ROPN1L: variants seen among roughly 807,000 people sequenced by gnomAD.
ROPN1L encodes rhophilin associated tail protein 1 like.
ROPN1L carries 23 observed loss-of-function variants against 22.7 expected under a neutral mutation model. The observed-to-expected ratio is 1.01, with a 90% confidence interval of 0.73 to 1.43. ROPN1L has a LOEUF of 1.43. Among genes scored for constraint, ROPN1L ranks in the 40% most tolerant of loss-of-function variants. The pLI is 0.00. For synonymous variants in ROPN1L, 116 were observed against 117.8 expected (o/e 0.98, Z 0.10); for missense variants, 271 against 291.5 (o/e 0.93, Z 0.51).
chr5:10,463,889 G>A (rs774713029), intron 4 of ROPN1L, among the ~76,000 whole-genome samples: 4 of 152,142 alleles, frequency 2.6e-5, no homozygotes, highest in Non-Finnish European at 5.9e-5. Context: ...ACCCCTGCTC[G>A]CCTCAGCCTC....
chr5:10,443,174 G>C (rs561609602), intron 1 of ROPN1L, among the ~76,000 whole-genome samples: 1 of 151,096 alleles, frequency 6.6e-6, no homozygotes, highest in African/African-American at 2.4e-5. Flanking sequence ...GGGTAACACA[G>C]CAAGACCCCA....
chr5:10,469,764 G>T (rs372733619), downstream of ROPN1L, among the ~76,000 whole-genome samples: 1 of 152,214 alleles, frequency 6.6e-6, no homozygotes, highest in Admixed American at 6.5e-5. Flanking sequence ...TCTAAAGAAA[G>T]TGGAGTATAT....
chr5:10,469,793 A>C (rs913649611), downstream of ROPN1L, among the ~76,000 whole-genome samples: 2 of 152,134 alleles, frequency 1.3e-5, no homozygotes, highest in African/African-American at 4.8e-5. Context: ...TTGGTTTATG[A>C]GGTATAGGAA....
Position 10,442,134 on chromosome 5 carries a change from C to G in ROPN1L, c.-34C>G, listed in dbSNP as rs753163537. 6.3e-7 allele frequency: 1 copy of G among 1,587,432 alleles called. No individual in the cohort carries two copies. The highest frequency in any genetic ancestry group is 8.6e-7 in the Non-Finnish European group (1 of 1,159,890). ...CGCCCTTCTTCCTCGCAGCGCGCCG[C>G]GATTCACCAGCCTGGTCCCTTCTGC... On this transcript the variant is annotated 5_prime_UTR_variant, in exon 1 of 5. Coordinates refer to ENST00000274134, the MANE Select transcript of ROPN1L (RefSeq NM_031916.5).
rs991616981 is a variant in ROPN1L at position 10,464,632 on chromosome 5, C to T, written c.594-216C>T. 4.6e-5 allele frequency among the ~76,000 whole-genome samples: 7 copies of T among 152,368 alleles called. No individual in the cohort carries two copies. The South Asian group carries it at 1.4e-3, about 32-fold the overall frequency. Reference sequence around the variant, plus strand: ...AAAAACCTATGCATATAGCACCCATCTTTTCACCTAGAAATAAAGCTACAT... The same window carrying T: ...AAAAACCTATGCATATAGCACCCATTTTTTCACCTAGAAATAAAGCTACAT... On this transcript the variant is annotated intron_variant, in intron 4 of 4. Coordinates refer to ENST00000274134, the MANE Select transcript of ROPN1L (RefSeq NM_031916.5).
intron 3 of ROPN1L, among the ~76,000 whole-genome samples, chr5:10,455,782 T>C (rs200612046): frequency 2.4e-3 from 332 of 137,498 alleles, no homozygotes; most frequent in East Asian, 6.8e-3. Flanking sequence ...AGTGCTGGGT[T>C]AGAGGCTTTT....
downstream of ROPN1L, among the ~76,000 whole-genome samples, chr5:10,465,852 C>A (rs1053543039): frequency 7.9e-5 from 12 of 152,052 alleles, no homozygotes; most frequent in Non-Finnish European, 1.5e-4. Flanking sequence ...TAAAAAAAAA[C>A]AAAGTGGCTT....
At chr5:10,445,075 G>A (rs984785897) in intron 1 of ROPN1L, among the ~76,000 whole-genome samples, 7 of 151,886 alleles carry the variant, frequency 4.6e-5, no homozygotes, top group African/African-American at 1.7e-4. Flanking sequence ...CCTGGTTCAA[G>A]CAATTCTGCC....
chr5:10,468,885 A>G (rs1240105437), downstream of ROPN1L, among the ~76,000 whole-genome samples: 6 of 152,242 alleles, frequency 3.9e-5, no homozygotes, highest in Non-Finnish European at 8.8e-5. Flanking sequence ...GCTGGGCGCA[A>G]TGGCTCACGC....
chr5:10,466,962 C>T (rs951588240), downstream of ROPN1L, among the ~76,000 whole-genome samples: 5 of 152,274 alleles, frequency 3.3e-5, no homozygotes, highest in African/African-American at 4.8e-5. Flanking sequence ...TGTGCCTCTC[C>T]GTGTCCTCGT....
intron 1 of ROPN1L, 83 bp downstream of exon 1, chr5:10,442,381 G>T: frequency 9.0e-6 from 14 of 1,552,384 alleles, no homozygotes; most frequent in Middle Eastern, 1.9e-4. Flanking sequence ...CGGACCAGGG[G>T]CCTTACGCGG....
At chr5:10,472,638 A>G (rs891176704), downstream of ROPN1L, among the ~76,000 whole-genome samples, 4 of 152,112 alleles carry the variant, frequency 2.6e-5, no homozygotes, top group African/African-American at 9.7e-5. Flanking sequence ...CCAAACAGCA[A>G]TTTCATCTAG....
chr5:10,459,345 T>TTCCACCCTCCTCACCGGGTTCCC (rs1561175179), intron 3 of ROPN1L, among the ~76,000 whole-genome samples: 5 of 146,632 alleles, frequency 3.4e-5, no homozygotes, highest in African/African-American at 1.3e-4. Context: ...ACTGGGTTCC[T>TTCCACCCTCCTCACCGGGTTCCC]GCCTTCCACC....
intron 4 of ROPN1L, among the ~76,000 whole-genome samples, chr5:10,463,117 G>C (rs779302500): frequency 1.8e-4 from 28 of 152,196 alleles, no homozygotes; most frequent in Non-Finnish European, 3.5e-4. Flanking sequence ...TGCATGTTAT[G>C]TTGTATTTGC....
downstream of ROPN1L, among the ~76,000 whole-genome samples, chr5:10,466,041 C>T (rs952784008): frequency 6.6e-6 from 1 of 152,172 alleles, no homozygotes; most frequent in Non-Finnish European, 1.5e-5. Context: ...TACTGGACAG[C>T]AGCGTGATCC....
At chr5:10,459,546 G>A (rs984751396) in intron 3 of ROPN1L, among the ~76,000 whole-genome samples, 3 of 151,832 alleles carry the variant, frequency 2.0e-5, no homozygotes, top group African/African-American at 4.8e-5. Flanking sequence ...ACCCCATCCC[G>A]CTGACCTCAT....
At chr5:10,459,749 C>T (rs574356185) in intron 3 of ROPN1L, among the ~76,000 whole-genome samples, 27 of 152,332 alleles carry the variant, frequency 1.8e-4, no homozygotes, top group Non-Finnish European at 3.1e-4. Context: ...TCCTCCACCC[C>T]GGCACTGCCT....
At chr5:10,476,967 A>G (rs947484781), downstream of ROPN1L, among the ~76,000 whole-genome samples, 1 of 152,252 alleles carries the variant, frequency 6.6e-6, no homozygotes, top group African/African-American at 2.4e-5. Context: ...TCTGTAGTGC[A>G]TCATATAGTA....
chr5:10,452,417 A>G (rs1309749189), intron 3 of ROPN1L, among the ~76,000 whole-genome samples: 1 of 143,612 alleles, frequency 7.0e-6, no homozygotes, highest in African/African-American at 2.6e-5. Flanking sequence ...GCTCACTGCC[A>G]CCTCCGCCTC....
Sources: gnomAD v4.1 joint callset for allele counts (sites outside exome capture counted in the v4.1 genomes callset) on GRCh38, gnomAD v4.1.1 for gene constraint, MANE v1.5 for transcripts, NCBI Gene and HGNC (gene_info 2026-07-23, HGNC 2026-07-21) for gene names.